The following EVI5 variants were observed in gnomAD, a reference collection of about 807,000 sequenced individuals.
EVI5 encodes the protein ecotropic viral integration site 5, also known as ecotropic viral integration site 5 protein homolog.
In EVI5, 73 loss-of-function variants were observed where a neutral mutation model predicts 112.0. The observed-to-expected ratio is 0.65, with a 90% CI of 0.54 to 0.79. EVI5 has a LOEUF of 0.79. Ranked by LOEUF, EVI5 falls within the 30% of genes least tolerant of loss-of-function variation. The pLI is 0.00. For synonymous variants in EVI5, 305 were observed against 319.9 expected (o/e 0.95, Z 0.50); for missense variants, 900 against 968.8 (o/e 0.93, Z 0.94).
At chr1:92,729,646 T>C (rs919193224) in intron 2 of EVI5, among the ~76,000 whole-genome samples, 2 of 152,226 alleles carry the variant, frequency 1.3e-5, no homozygotes, top group South Asian at 4.1e-4. Context: ...ATATGACCTA[T>C]GCACATCCTC....
In EVI5 at chr1:92,636,422, A is replaced by G. The variant is rs1658846492; in HGVS notation, c.1393-86T>C. 3.5e-6 allele frequency: 4 copies of G among 1,129,752 alleles called. No individual in the cohort carries two copies. In the South Asian group the frequency reaches 6.6e-5, roughly 19 times the overall value. The allele number at this position is 1,129,752 out of a possible 1,614,324, so 70.0% of individuals were successfully genotyped here. A position where few individuals can be genotyped will look rare whatever the true frequency, so the allele number is the denominator to read the frequency against. Reference sequence around the variant, plus strand: ...AACAATGCAACCACATAATACAGTTATATTACATTAAGGGCAACTAAATAG... The same window carrying G: ...AACAATGCAACCACATAATACAGTTGTATTACATTAAGGGCAACTAAATAG... On this transcript the variant is annotated intron_variant, in intron 13 of 19. Transcript: ENST00000684568.
chr1:92,780,234 T>C (rs562733257), intron 1 of EVI5, among the ~76,000 whole-genome samples: 2 of 152,374 alleles, frequency 1.3e-5, no homozygotes, highest in South Asian at 4.1e-4. Flanking sequence ...GTAAGTTTCC[T>C]GATGCCTCCC....
chr1:92,538,989 T>C (rs184734626), intron 19 of EVI5, among the ~76,000 whole-genome samples: 65 of 152,332 alleles, frequency 4.3e-4, no homozygotes, highest in Non-Finnish European at 3.8e-4. Context: ...ACGAAGGTTA[T>C]GGGTGAGTCA....
chr1:92,729,020 A>G (rs1204182998), intron 2 of EVI5, among the ~76,000 whole-genome samples: 1 of 152,214 alleles, frequency 6.6e-6, no homozygotes, highest in Admixed American at 6.5e-5. Flanking sequence ...GGCAATTTGA[A>G]TATGTCAAAG....
intron 19 of EVI5, among the ~76,000 whole-genome samples, chr1:92,533,585 C>CGAT: frequency 6.6e-6 from 1 of 152,206 alleles, no homozygotes; most frequent in Admixed American, 6.5e-5. Flanking sequence ...TTATCCACCA[C>CGAT]GATCAAGTCA....
intron 13 of EVI5, among the ~76,000 whole-genome samples, chr1:92,653,079 C>G (rs1442002774): frequency 6.6e-6 from 1 of 152,198 alleles, no homozygotes; most frequent in Admixed American, 6.5e-5. Context: ...AGATTACCAA[C>G]TTGCACTGGG....
At chr1:92,636,952 T>C (rs1020268160) in intron 13 of EVI5, among the ~76,000 whole-genome samples, 2 of 152,180 alleles carry the variant, frequency 1.3e-5, no homozygotes, top group Admixed American at 6.5e-5. Context: ...TGCTATTTGA[T>C]AGTACTGTTA....
intron 18 of EVI5, among the ~76,000 whole-genome samples, chr1:92,582,467 G>T (rs896476041): frequency 6.6e-6 from 1 of 151,856 alleles, no homozygotes; most frequent in Non-Finnish European, 1.5e-5. Flanking sequence ...ATGATGAGAA[G>T]GTATCAGTCA....
intron 19 of EVI5, among the ~76,000 whole-genome samples, chr1:92,562,807 T>C (rs1668837712): frequency 6.6e-6 from 1 of 152,180 alleles, no homozygotes. Context: ...AAGGGTAACG[T>C]CTAAACTTTT....
At chr1:92,584,275 T>C (rs1379633096) in intron 18 of EVI5, among the ~76,000 whole-genome samples, 4 of 152,166 alleles carry the variant, frequency 2.6e-5, no homozygotes, top group African/African-American at 4.8e-5. Context: ...CTTTTTTTTT[T>C]CCAGGCTTTA....
At chr1:92,560,774 G>C (rs571555148) in intron 19 of EVI5, among the ~76,000 whole-genome samples, 1 of 151,798 alleles carries the variant, frequency 6.6e-6, no homozygotes, top group Non-Finnish European at 1.5e-5. Flanking sequence ...TATATTGCTC[G>C]GGCTGGTCTC....
At position 92,704,720 on chromosome 1, in the gene EVI5, A is replaced by AG. The variant is rs1273264904; in HGVS notation, c.173dup (p.Leu59PhefsTer23). The AG allele has an allele frequency of 1.9e-6, 3 of 1,572,288 alleles. No homozygotes were observed. The highest frequency in any genetic ancestry group is 1.7e-6 in the Non-Finnish European group (2 of 1,157,074). ...TTCTTGACCCATTTACAGATCTTAAAGACTTACTATCCGTTTCTAACAATC... is the reference window on the plus strand; with the variant it reads ...TTCTTGACCCATTTACAGATCTTAAAGGACTTACTATCCGTTTCTAACAATC... On this transcript the variant is annotated frameshift_variant, in exon 3 of 20. Coordinates refer to ENST00000684568, the MANE Select transcript of EVI5 (RefSeq NM_001350197.2). LOFTEE classifies it high-confidence loss of function.
intron 13 of EVI5, among the ~76,000 whole-genome samples, chr1:92,641,379 C>T (rs1659938918): frequency 6.6e-6 from 1 of 152,084 alleles, no homozygotes; most frequent in Non-Finnish European, 1.5e-5. Context: ...AATCAGTTAA[C>T]TCCTGGTTTA....
intron 1 of EVI5, 44 bp downstream of exon 1, chr1:92,784,792 C>T: frequency 1.0e-6 from 1 of 983,048 alleles, no homozygotes; most frequent in Non-Finnish European, 1.2e-6. Context: ...ACTCACCGCC[C>T]GCCCGGCCTC....
intron 1 of EVI5, among the ~76,000 whole-genome samples, chr1:92,754,367 G>A (rs565358677): frequency 6.6e-6 from 1 of 152,280 alleles, no homozygotes; most frequent in South Asian, 2.1e-4. Flanking sequence ...GAAGTATGGG[G>A]AGGCAAACAT....
intron 1 of EVI5, among the ~76,000 whole-genome samples, chr1:92,771,630 G>A (rs1179231481): frequency 1.4e-5 from 2 of 147,712 alleles, no homozygotes; most frequent in Middle Eastern, 3.5e-3. Flanking sequence ...TTTTTGAGAC[G>A]GAGTCTCCCT....
intron 2 of EVI5, among the ~76,000 whole-genome samples, chr1:92,721,203 T>C (rs1674695555): frequency 6.6e-6 from 1 of 152,204 alleles, no homozygotes; most frequent in Non-Finnish European, 1.5e-5. Context: ...TTATAAATCA[T>C]GCTACTATAA....
chr1:92,615,655 A>C (rs1436701101), intron 16 of EVI5, among the ~76,000 whole-genome samples: 1 of 152,100 alleles, frequency 6.6e-6, no homozygotes, highest in African/African-American at 2.4e-5. Context: ...CCTTTGTCTG[A>C]GGAGATGAAC....
intron 19 of EVI5, among the ~76,000 whole-genome samples, chr1:92,533,857 T>C (rs1398476740): frequency 6.6e-6 from 1 of 152,206 alleles, no homozygotes; most frequent in African/African-American, 2.4e-5. Context: ...GCATTCCCTT[T>C]GAAAACTGGC....
Sources: gnomAD v4.1 joint callset for allele counts (sites outside exome capture counted in the v4.1 genomes callset) on GRCh38, gnomAD v4.1.1 for gene constraint, MANE v1.5 for transcripts, NCBI Gene and HGNC (gene_info 2026-07-23, HGNC 2026-07-21) for gene names.